DCC: variants seen among roughly 807,000 people sequenced by gnomAD.
DCC encodes the protein DCC netrin 1 receptor.
DCC carries 58 observed loss-of-function variants against 172.5 expected under a neutral mutation model. The observed-to-expected ratio is 0.34, with a 90% CI of 0.27 to 0.42. The LOEUF (loss-of-function observed/expected upper bound fraction) is 0.42, where lower values mean the gene tolerates loss of function less well. DCC is among the 10% of genes least tolerant of loss of function. DCC has a pLI of 1.00. For synonymous variants in DCC, 709 were observed against 644.5 expected, an observed-to-expected ratio of 1.10 and a Z score of -1.52; for missense variants, 1,740 against 1,791.0, an observed-to-expected ratio of 0.97 and a Z score of 0.51.
chr18:52,844,890 G>A (rs2038861040), intron 2 of DCC, among the ~76,000 whole-genome samples: 1 of 152,174 alleles, frequency 6.6e-6, no homozygotes, highest in South Asian at 2.1e-4. Flanking sequence ...TGAATGAATG[G>A]CTCTGGATTT....
At chr18:53,304,032 A>T (rs1218986913) in intron 12 of DCC, among the ~76,000 whole-genome samples, 1 of 150,934 alleles carries the variant, frequency 6.6e-6, no homozygotes, top group Non-Finnish European at 1.5e-5. Flanking sequence ...CCCCAGCTGA[A>T]CTCCTCTCGA....
At chr18:53,419,019 A>C (rs1050860830) in intron 21 of DCC, among the ~76,000 whole-genome samples, 2 of 152,186 alleles carry the variant, frequency 1.3e-5, no homozygotes, top group African/African-American at 4.8e-5. Flanking sequence ...CAGGTGGCAA[A>C]TAAGTTGGGA....
At chr18:53,332,268 A>C (rs1284605866) in intron 14 of DCC, among the ~76,000 whole-genome samples, 4 of 152,184 alleles carry the variant, frequency 2.6e-5, no homozygotes, top group Non-Finnish European at 5.9e-5. Flanking sequence ...TAGGCAAAAA[A>C]AGTAGCTAAA....
intron 1 of DCC, among the ~76,000 whole-genome samples, chr18:52,565,081 G>A (rs1004119508): frequency 2.0e-5 from 3 of 152,092 alleles, no homozygotes; most frequent in Non-Finnish European, 4.4e-5. Context: ...CTAGCTGGAG[G>A]AACTGCAGTG....
chr18:52,474,920 T>A (rs1403915933), intron 1 of DCC, among the ~76,000 whole-genome samples: 1 of 152,214 alleles, frequency 6.6e-6, no homozygotes, highest in Non-Finnish European at 1.5e-5. Flanking sequence ...TCTTTAAAAT[T>A]CTCATTCCCT....
At chr18:52,819,207 A>G (rs2038359359) in intron 2 of DCC, among the ~76,000 whole-genome samples, 1 of 119,896 alleles carries the variant, frequency 8.3e-6, no homozygotes, top group South Asian at 3.2e-4. Context: ...CCAACAAGAC[A>G]AAGAGCTAAT....
intron 19 of DCC, among the ~76,000 whole-genome samples, chr18:53,406,629 G>C (rs1485253510): frequency 6.6e-6 from 1 of 151,158 alleles, no homozygotes; most frequent in Non-Finnish European, 1.5e-5. Flanking sequence ...GCTTGAACCC[G>C]GGAGGCGGGT....
intron 7 of DCC, among the ~76,000 whole-genome samples, chr18:53,129,160 T>G (rs982585419): frequency 2.6e-5 from 4 of 152,010 alleles, no homozygotes; most frequent in Non-Finnish European, 5.9e-5. Flanking sequence ...GTGCTAGTAT[T>G]ATAGGCATGA....
intron 1 of DCC, among the ~76,000 whole-genome samples, chr18:52,682,616 A>G (rs902537985): frequency 5.3e-5 from 8 of 152,136 alleles, no homozygotes; most frequent in African/African-American, 1.9e-4. Flanking sequence ...ATGAGGTGCT[A>G]TTCTGGGATA....
intron 2 of DCC, among the ~76,000 whole-genome samples, chr18:52,762,033 T>A (rs1347081452): frequency 1.3e-5 from 2 of 151,954 alleles, no homozygotes; most frequent in East Asian, 3.9e-4. Flanking sequence ...TATTGTGAAA[T>A]GTAACTCAGG....
At chr18:53,341,025 G>T (rs562031558) in intron 15 of DCC, among the ~76,000 whole-genome samples, 1 of 152,134 alleles carries the variant, frequency 6.6e-6, no homozygotes, top group Non-Finnish European at 1.5e-5. Context: ...AACACCTACT[G>T]GAAATCTCCA....
intron 5 of DCC, among the ~76,000 whole-genome samples, chr18:53,020,489 A>G (rs1390581595): frequency 6.6e-6 from 1 of 152,180 alleles, no homozygotes; most frequent in Non-Finnish European, 1.5e-5. Context: ...ACCTGCACCA[A>G]AAGTTATTCA....
chr18:52,518,219 C>T (rs549752522), intron 1 of DCC, among the ~76,000 whole-genome samples: 11 of 152,268 alleles, frequency 7.2e-5, no homozygotes, highest in African/African-American at 2.6e-4. Flanking sequence ...GCTATGATAG[C>T]ATGAGGCTGA....
chr18:52,549,147 A>T (rs1045385950), intron 1 of DCC, among the ~76,000 whole-genome samples: 1 of 152,014 alleles, frequency 6.6e-6, no homozygotes, highest in Non-Finnish European at 1.5e-5. Flanking sequence ...ATGGAATTTG[A>T]TCTAGTATTT....
At chr18:52,753,476 ATTTTAC>A (rs2037031466) in intron 2 of DCC, among the ~76,000 whole-genome samples, 1 of 152,192 alleles carries the variant, frequency 6.6e-6, no homozygotes, top group African/African-American at 2.4e-5. Context: ...TAATTTGCTA[ATTTTAC>A]TTTACAGCTT....
At chr18:53,462,861 C>T (rs1298065130) in intron 24 of DCC, among the ~76,000 whole-genome samples, 2 of 152,232 alleles carry the variant, frequency 1.3e-5, no homozygotes, top group African/African-American at 4.8e-5. Flanking sequence ...CAACTTTTCA[C>T]ATGCCCACTT....
chr18:52,768,741 T>C (rs1465466299), intron 2 of DCC, among the ~76,000 whole-genome samples: 1 of 152,266 alleles, frequency 6.6e-6, no homozygotes, highest in African/African-American at 2.4e-5. Context: ...TCCACCTTTC[T>C]GTCATTATTT....
intron 1 of DCC, among the ~76,000 whole-genome samples, chr18:52,728,803 A>C (rs560794866): frequency 6.6e-6 from 1 of 152,346 alleles, no homozygotes; most frequent in Non-Finnish European, 1.5e-5. Flanking sequence ...CAGTGCTTAG[A>C]GTCCTGAAGG....
intron 2 of DCC, among the ~76,000 whole-genome samples, chr18:52,884,533 T>C (rs971105326): frequency 6.6e-6 from 1 of 152,210 alleles, no homozygotes. Context: ...CCAGAATTTC[T>C]GCTTGATTCT....
Sources: gnomAD v4.1 joint callset for allele counts (sites outside exome capture counted in the v4.1 genomes callset) on GRCh38, gnomAD v4.1.1 for gene constraint, MANE v1.5 for transcripts, NCBI Gene and HGNC (gene_info 2026-07-23, HGNC 2026-07-21) for gene names.